Variants in NPAS3 observed in about 807,000 individuals in gnomAD.
The protein encoded by NPAS3 is neuronal PAS domain protein 3, also known as neuronal PAS domain-containing protein 3.
NPAS3 carries 14 observed loss-of-function variants against 73.1 expected under a neutral mutation model. The ratio of observed to expected loss-of-function variants is 0.19; its 90% CI spans 0.13 to 0.30. The LOEUF (loss-of-function observed/expected upper bound fraction) is 0.30, where lower values mean the gene tolerates loss of function less well. NPAS3 is among the 10% of genes least tolerant of loss of function. The pLI, the probability that NPAS3 is intolerant of heterozygous loss-of-function variation, is 1.00. For missense variants in NPAS3, 1,096 were observed against 1,250.0 expected (o/e 0.88, Z 1.86); for synonymous variants, 620 against 541.5 (o/e 1.14, Z -2.01).
At chr14:33,589,601 G>A (rs1201756342) in intron 5 of NPAS3, among the ~76,000 whole-genome samples, 1 of 152,132 alleles carries the variant, frequency 6.6e-6, no homozygotes, top group Non-Finnish European at 1.5e-5. Flanking sequence ...AGAGTTTGTA[G>A]TTCCAGATCC....
At chr14:33,619,893 A>AT (rs1384489876) in intron 5 of NPAS3, among the ~76,000 whole-genome samples, 2 of 152,144 alleles carry the variant, frequency 1.3e-5, no homozygotes, top group African/African-American at 4.8e-5. Context: ...TTCTGTGGTG[A>AT]TTTATGATGG....
At chr14:33,221,582 G>A (rs1228344488) in intron 3 of NPAS3, among the ~76,000 whole-genome samples, 1 of 152,068 alleles carries the variant, frequency 6.6e-6, no homozygotes, top group Non-Finnish European at 1.5e-5. Flanking sequence ...AGCTATGATT[G>A]CACCACTGCC....
At chr14:33,799,847 AACG>A (rs773231340) in exon 12 of NPAS3, 73 of 1,614,046 alleles carry the variant, frequency 4.5e-5, no homozygotes, top group Non-Finnish European at 6.0e-5. Context: ...CATGAACTGC[AACG>A]ACGACGGCCA....
intron 1 of NPAS3, among the ~76,000 whole-genome samples, chr14:32,996,436 A>G (rs890487409): frequency 1.3e-5 from 2 of 152,202 alleles, no homozygotes; most frequent in Non-Finnish European, 2.9e-5. Context: ...AAATGTATCT[A>G]GGGCATGTCA....
At chr14:33,351,648 CA>C (rs2045061090) in intron 3 of NPAS3, among the ~76,000 whole-genome samples, 1 of 152,204 alleles carries the variant, frequency 6.6e-6, no homozygotes, top group Non-Finnish European at 1.5e-5. Context: ...TGTACTCTCA[CA>C]AAAGATCATT....
intron 7 of NPAS3, among the ~76,000 whole-genome samples, chr14:33,769,639 T>C (rs1055782263): frequency 2.6e-5 from 4 of 152,170 alleles, no homozygotes; most frequent in Non-Finnish European, 5.9e-5. Flanking sequence ...AACATGCTTG[T>C]TAATTAATCA....
intron 3 of NPAS3, among the ~76,000 whole-genome samples, chr14:33,292,784 A>T (rs896897344): frequency 1.3e-5 from 2 of 152,156 alleles, no homozygotes; most frequent in Admixed American, 1.3e-4. Context: ...GCTAAAGTAC[A>T]TGATTTCTAG....
chr14:33,053,747 A>G (rs765049954), intron 1 of NPAS3, among the ~76,000 whole-genome samples: 28 of 152,192 alleles, frequency 1.8e-4, no homozygotes, highest in Non-Finnish European at 3.8e-4. Context: ...AATGAAAATT[A>G]CATCATAACA....
chr14:33,365,230 G>C (rs2045789036), intron 3 of NPAS3, among the ~76,000 whole-genome samples: 1 of 122,318 alleles, frequency 8.2e-6, no homozygotes, highest in Non-Finnish European at 1.6e-5. Flanking sequence ...AAAGGCTGCA[G>C]ATTTTATTCA....
chr14:33,553,334 G>C (rs1374718231), intron 4 of NPAS3, among the ~76,000 whole-genome samples: 4 of 152,194 alleles, frequency 2.6e-5, no homozygotes, highest in African/African-American at 9.7e-5. Flanking sequence ...TGCTAGCTCA[G>C]TGTCTCTCCT....
intron 5 of NPAS3, among the ~76,000 whole-genome samples, chr14:33,568,850 G>T (rs982215048): frequency 6.6e-6 from 1 of 152,122 alleles, no homozygotes; most frequent in African/African-American, 2.4e-5. Flanking sequence ...GACAACAAAT[G>T]CCCTATGGCT....
At chr14:33,437,986 G>T (rs948175833) in intron 4 of NPAS3, among the ~76,000 whole-genome samples, 1 of 152,172 alleles carries the variant, frequency 6.6e-6, no homozygotes, top group Admixed American at 6.5e-5. Context: ...AGTTGGCTAG[G>T]AATTTTATAA....
At chr14:32,939,645 A>G (rs1185891634) in intron 1 of NPAS3, among the ~76,000 whole-genome samples, 1 of 147,964 alleles carries the variant, frequency 6.8e-6, no homozygotes, top group East Asian at 2.0e-4. Context: ...AAAAAAGAAG[A>G]AAGAAACAGA....
chr14:33,790,667 G>A (rs890262179), intron 9 of NPAS3, among the ~76,000 whole-genome samples: 1 of 151,798 alleles, frequency 6.6e-6, no homozygotes, highest in South Asian at 2.1e-4. Flanking sequence ...ATTCCATTAT[G>A]ATTTCTTTTT....
At chr14:33,498,989 T>TGTGTGG (rs2052379284) in intron 4 of NPAS3, among the ~76,000 whole-genome samples, 1 of 118,234 alleles carries the variant, frequency 8.5e-6, no homozygotes, top group Admixed American at 8.7e-5. Flanking sequence ...TGTGTGTGTG[T>TGTGTGG]GGTGGGAAGG....
At chr14:33,764,646 G>A (rs940770842) in intron 7 of NPAS3, among the ~76,000 whole-genome samples, 9 of 152,206 alleles carry the variant, frequency 5.9e-5, no homozygotes, top group African/African-American at 2.2e-4. Flanking sequence ...ATATTGAGAA[G>A]AACTGCCTCT....
chr14:33,225,565 G>A (rs1437758386), intron 3 of NPAS3, among the ~76,000 whole-genome samples: 2 of 152,200 alleles, frequency 1.3e-5, no homozygotes, highest in East Asian at 3.8e-4. Context: ...TGCAAAAGTA[G>A]CTATATAGAC....
At chr14:33,409,197 G>T (rs913120936) in intron 4 of NPAS3, among the ~76,000 whole-genome samples, 2 of 152,176 alleles carry the variant, frequency 1.3e-5, no homozygotes, top group African/African-American at 4.8e-5. Context: ...GTGGGGAGGG[G>T]AGTTGAGCAG....
chr14:33,189,958 G>A (rs2046111969), intron 2 of NPAS3, among the ~76,000 whole-genome samples: 1 of 152,096 alleles, frequency 6.6e-6, no homozygotes, highest in Non-Finnish European at 1.5e-5. Flanking sequence ...CTCACAATCG[G>A]ATGAGGGATT....
Sources: allele counts gnomAD v4.1 joint callset (sites outside exome capture counted in the v4.1 genomes callset), GRCh38; gene constraint gnomAD v4.1.1; transcripts MANE v1.5; gene names NCBI Gene and HGNC (gene_info 2026-07-23, HGNC 2026-07-21).